Variants in LARGE1 observed in about 807,000 individuals in gnomAD.
LARGE1 encodes the protein xylosyl- and glucuronyltransferase LARGE1.
A neutral mutation model predicts 87.6 loss-of-function variants in LARGE1; 43 were observed. That is an observed-to-expected ratio of 0.49 (90% CI 0.38 to 0.63). LARGE1 has a LOEUF of 0.63. LARGE1 is among the 30% of genes least tolerant of loss of function. The pLI is 0.00. For missense variants in LARGE1, 802 were observed against 1,000.2 expected, an observed-to-expected ratio of 0.80 and a Z score of 2.67; for synonymous variants, 434 against 394.6, an observed-to-expected ratio of 1.10 and a Z score of -1.18.
At chr22:33,789,352 T>C (rs761260176) in intron 1 of LARGE1, among the ~76,000 whole-genome samples, 1 of 152,214 alleles carries the variant, frequency 6.6e-6, no homozygotes, top group Non-Finnish European at 1.5e-5. Flanking sequence ...TGGAAATGCC[T>C]GGATGTCCAG....
the LARGE1 span, among the ~76,000 whole-genome samples, chr22:33,098,826 C>G: frequency 5.2e-3 from 788 of 152,094 alleles, 2 homozygotes; most frequent in African/African-American, 0.018. Context: ...GTTTCATGGC[C>G]GTGAAGAGGA....
chr22:33,759,011 G>GA (rs929776060), intron 2 of LARGE1, among the ~76,000 whole-genome samples: 4 of 152,114 alleles, frequency 2.6e-5, no homozygotes, highest in African/African-American at 9.7e-5. Context: ...TTAGCAAAAG[G>GA]AAAAAATCCT....
intron 12 of LARGE1, among the ~76,000 whole-genome samples, chr22:33,284,787 G>A (rs1931201557): frequency 6.6e-6 from 1 of 152,136 alleles, no homozygotes; most frequent in Non-Finnish European, 1.5e-5. Context: ...CGTGTTGGCA[G>A]GATGGTCTTG....
At chr22:33,553,553 T>G (rs1369290752) in intron 6 of LARGE1, among the ~76,000 whole-genome samples, 2 of 151,948 alleles carry the variant, frequency 1.3e-5, no homozygotes, top group African/African-American at 4.8e-5. Context: ...GCTCTAATAT[T>G]AATAACAGCA....
At chr22:33,603,682 C>T (rs2079170139) in intron 5 of LARGE1, among the ~76,000 whole-genome samples, 2 of 152,120 alleles carry the variant, frequency 1.3e-5, no homozygotes, top group South Asian at 4.1e-4. Context: ...CAGAGGTGTG[C>T]TCTGCTACTT....
intron 11 of LARGE1, among the ~76,000 whole-genome samples, chr22:33,186,826 C>T (rs1192482830): frequency 6.6e-6 from 1 of 151,814 alleles, no homozygotes; most frequent in African/African-American, 2.4e-5. Context: ...TGTGTCTCTA[C>T]ATGTTAGCAG....
intron 1 of LARGE1, among the ~76,000 whole-genome samples, chr22:33,826,718 CCTTAA>C (rs1039502688): frequency 6.6e-6 from 1 of 152,120 alleles, no homozygotes; most frequent in Admixed American, 6.5e-5. Flanking sequence ...ATCTCAGGAT[CCTTAA>C]CTTAACCACA....
In LARGE1 at chr22:33,731,507, A is replaced by G. The variant is rs1024507843; in HGVS notation, c.106+29864T>C. Among the ~76,000 whole-genome samples the G allele has an allele frequency of 2.6e-5, 4 of 152,326 alleles. No individual in the cohort carries two copies. In the East Asian group the frequency reaches 7.7e-4, roughly 29 times the overall value. ...AAAGATGCCATACTCAAACTGGGTAATTTGAAGAGCGTGTAATAACAGAGT... is the reference window on the plus strand; with the variant it reads ...AAAGATGCCATACTCAAACTGGGTAGTTTGAAGAGCGTGTAATAACAGAGT... On this transcript the variant is annotated intron_variant, in intron 2 of 14. Coordinates refer to ENST00000397394, the MANE Select transcript of LARGE1 (RefSeq NM_133642.5).
At chr22:33,169,989 C>T (rs1255173068) in intron 11 of LARGE1, among the ~76,000 whole-genome samples, 3 of 152,104 alleles carry the variant, frequency 2.0e-5, no homozygotes, top group Non-Finnish European at 4.4e-5. Context: ...ATTTGTGTCC[C>T]CCTTAAATGT....
At chr22:33,321,351 C>A (rs2146358882) in intron 10 of LARGE1, among the ~76,000 whole-genome samples, 1 of 152,274 alleles carries the variant, frequency 6.6e-6, no homozygotes, top group African/African-American at 2.4e-5. Flanking sequence ...CCAGGGTGGC[C>A]CTTCTGATTC....
the LARGE1 span, among the ~76,000 whole-genome samples, chr22:33,066,908 C>T: frequency 7.2e-5 from 11 of 152,192 alleles, no homozygotes; most frequent in South Asian, 8.3e-4. Context: ...GGCCACACAC[C>T]GGTACCTCCA....
At chr22:33,282,517 T>A (rs1246710614) in intron 13 of LARGE1, among the ~76,000 whole-genome samples, 1 of 152,136 alleles carries the variant, frequency 6.6e-6, no homozygotes, top group Non-Finnish European at 1.5e-5. Flanking sequence ...ATGGAACCTG[T>A]TTGCTCCTGT....
chr22:33,460,591 C>T (rs1437999343), intron 6 of LARGE1, among the ~76,000 whole-genome samples: 1 of 152,082 alleles, frequency 6.6e-6, no homozygotes, highest in Non-Finnish European at 1.5e-5. Context: ...ATAATGGAAA[C>T]TGATAAGATA....
chr22:33,164,998 A>T (rs1373637384), exon 12 of LARGE1: 3 of 152,144 alleles, frequency 2.0e-5, no homozygotes, highest in Non-Finnish European at 2.9e-5. Context: ...GACAACGGGG[A>T]CTACTAGAGG....
chr22:33,845,760 T>C (rs2063411621), intron 1 of LARGE1, among the ~76,000 whole-genome samples: 1 of 152,136 alleles, frequency 6.6e-6, no homozygotes, highest in Non-Finnish European at 1.5e-5. Context: ...AATTATCAAG[T>C]CATGATAATT....
At chr22:33,134,490 C>G in the LARGE1 span, among the ~76,000 whole-genome samples, 2 of 152,202 alleles carry the variant, frequency 1.3e-5, no homozygotes, top group Non-Finnish European at 2.9e-5. Flanking sequence ...ATCTCCTGAG[C>G]TTGTGATCCG....
intron 1 of LARGE1, among the ~76,000 whole-genome samples, chr22:33,891,517 T>C (rs117293860): frequency 6.6e-6 from 1 of 152,074 alleles, no homozygotes; most frequent in East Asian, 1.9e-4. Flanking sequence ...GAGAATACGA[T>C]GTTACTGCAT....
chr22:33,856,892 TTTG>T (rs2063770980), intron 1 of LARGE1: 1 of 152,224 alleles, frequency 6.6e-6, no homozygotes, highest in African/African-American at 2.4e-5. Flanking sequence ...CTCCCTAATT[TTTG>T]TTTTTCCAAG....
At position 33,706,081 on chromosome 22, in the gene LARGE1, G is replaced by A. The variant is rs562903031; in HGVS notation, c.106+55290C>T. On this transcript the variant is annotated intron_variant, in intron 2 of 14. Transcript: ENST00000397394. ...AGTTAACTGCCCCGGTGGGCGACAA[G>A]AAAGAAGGTTTCTAAAGATGACAGT... Among the ~76,000 whole-genome samples, 21 of 152,262 alleles carry A rather than the reference G, an allele frequency of 1.4e-4. No individual in the cohort carries two copies. The East Asian group carries it at 3.9e-3, about 28-fold the overall frequency.
Sources: gnomAD v4.1 joint callset for allele counts (sites outside exome capture counted in the v4.1 genomes callset) on GRCh38, gnomAD v4.1.1 for gene constraint, MANE v1.5 for transcripts, NCBI Gene and HGNC (gene_info 2026-07-23, HGNC 2026-07-21) for gene names.